The following OTUD7A variants were observed in gnomAD, a reference collection of about 807,000 sequenced individuals.
OTUD7A encodes OTU deubiquitinase 7A, also known as OTU domain-containing protein 7A.
A neutral mutation model predicts 65.7 loss-of-function variants in OTUD7A; 12 were observed. That is an observed-to-expected ratio of 0.18 (90% CI 0.12 to 0.30). OTUD7A has a LOEUF of 0.30. Among genes scored for constraint, OTUD7A ranks in the 10% least tolerant of loss-of-function variants. The pLI is 1.00. For synonymous variants in OTUD7A, 641 were observed against 586.3 expected (o/e 1.09, Z -1.35); for missense variants, 1,148 against 1,304.8 (o/e 0.88, Z 1.85).
chr15:31,832,731 G>C (rs1037895622), intron 1 of OTUD7A, among the ~76,000 whole-genome samples: 2 of 152,172 alleles, frequency 1.3e-5, no homozygotes, highest in African/African-American at 4.8e-5. Flanking sequence ...ATTTCACTTA[G>C]CATAATGTCC....
intron 3 of OTUD7A, among the ~76,000 whole-genome samples, chr15:31,648,451 C>T (rs755182414): frequency 2.0e-5 from 3 of 152,160 alleles, no homozygotes. Flanking sequence ...GGCATGCAGA[C>T]CTCAGACAGG....
intron 1 of OTUD7A, among the ~76,000 whole-genome samples, chr15:31,770,860 C>A (rs184969444): frequency 9.3e-4 from 142 of 152,262 alleles, no homozygotes; most frequent in Non-Finnish European, 1.5e-3. Context: ...ACCATCTATT[C>A]ATGATAAAAA....
chr15:31,527,150 C>G, intron 7 of OTUD7A, 31 bp downstream of exon 7: 1 of 1,613,340 alleles, frequency 6.2e-7, no homozygotes, highest in Non-Finnish European at 8.5e-7. Context: ...GGCCTGGGTC[C>G]CGGGCTCTGG....
intron 1 of OTUD7A, among the ~76,000 whole-genome samples, chr15:31,733,597 G>T (rs889044503): frequency 2.6e-5 from 4 of 152,146 alleles, no homozygotes; most frequent in Non-Finnish European, 2.9e-5. Flanking sequence ...GCTCTATCAG[G>T]GAACAGAGAT....
intron 4 of OTUD7A, among the ~76,000 whole-genome samples, chr15:31,563,940 A>T (rs1464654463): frequency 6.6e-6 from 1 of 152,192 alleles, no homozygotes; most frequent in African/African-American, 2.4e-5. Flanking sequence ...GATGGATGAT[A>T]ACTGCGTGCC....
intron 3 of OTUD7A, among the ~76,000 whole-genome samples, chr15:31,637,904 T>G (rs1380819303): frequency 6.6e-6 from 1 of 152,224 alleles, no homozygotes; most frequent in East Asian, 1.9e-4. Flanking sequence ...GGAAAGTGGT[T>G]TCTTGAGATG....
intron 3 of OTUD7A, among the ~76,000 whole-genome samples, chr15:31,608,094 A>C (rs1490656197): frequency 1.3e-5 from 2 of 152,118 alleles, no homozygotes; most frequent in African/African-American, 4.8e-5. Context: ...TAAAAATACA[A>C]AAATTAGCTG....
At chr15:31,820,800 T>G (rs1286397671) in intron 1 of OTUD7A, among the ~76,000 whole-genome samples, 1 of 152,228 alleles carries the variant, frequency 6.6e-6, no homozygotes, top group African/African-American at 2.4e-5. Context: ...TTTATTAAGA[T>G]ATAATTCACT....
intron 8 of OTUD7A, 45 bp downstream of exon 8, chr15:31,526,304 C>G: frequency 2.6e-6 from 4 of 1,519,892 alleles, no homozygotes; most frequent in Middle Eastern, 1.7e-4. Context: ...CCTGGGTGGC[C>G]TGGAGCTGGA....
chr15:31,580,820 T>C (rs1868438817), intron 3 of OTUD7A, among the ~76,000 whole-genome samples: 1 of 152,112 alleles, frequency 6.6e-6, no homozygotes, highest in Non-Finnish European at 1.5e-5. Context: ...ATTATTACAA[T>C]TCAAGGTGAG....
chr15:31,814,356 A>C (rs544810887), intron 1 of OTUD7A, among the ~76,000 whole-genome samples: 1 of 152,330 alleles, frequency 6.6e-6, no homozygotes, highest in South Asian at 2.1e-4. Context: ...GAGTCAGCCC[A>C]GCCGAGTGCC....
At chr15:31,517,602 C>G (rs2041876579) in intron 8 of OTUD7A, among the ~76,000 whole-genome samples, 1 of 152,230 alleles carries the variant, frequency 6.6e-6, no homozygotes. Flanking sequence ...AACTTCCTAA[C>G]ATGCTTTGGG....
At chr15:31,578,637 T>C (rs1024302474) in intron 3 of OTUD7A, among the ~76,000 whole-genome samples, 3 of 152,012 alleles carry the variant, frequency 2.0e-5, no homozygotes, top group African/African-American at 4.8e-5. Flanking sequence ...CTGCAATCTC[T>C]GCCTCCCAGG....
chr15:31,508,128 G>A (rs1357966958), intron 8 of OTUD7A, among the ~76,000 whole-genome samples: 1 of 152,026 alleles, frequency 6.6e-6, no homozygotes, highest in Non-Finnish European at 1.5e-5. Flanking sequence ...AACAGAATAA[G>A]GAAAGGAAAG....
chr15:31,625,351 T>A (rs926327554), intron 3 of OTUD7A, among the ~76,000 whole-genome samples: 1 of 151,786 alleles, frequency 6.6e-6, no homozygotes, highest in African/African-American at 2.4e-5. Context: ...ATGATTTTTG[T>A]ATGCGGCAAT....
intron 1 of OTUD7A, among the ~76,000 whole-genome samples, chr15:31,765,378 C>T (rs902842259): frequency 6.6e-6 from 1 of 152,098 alleles, no homozygotes; most frequent in African/African-American, 2.4e-5. Flanking sequence ...ACAACTAATT[C>T]ATTAGCTAAT....
Position 31,482,097 on chromosome 15 carries a change from G to A in OTUD7A, c.*1197C>T, listed in dbSNP as rs937639089. On this transcript the variant is annotated 3_prime_UTR_variant, in exon 13 of 13. Coordinates refer to ENST00000307050, the MANE Select transcript of OTUD7A (RefSeq NM_001382637.1). ...GCTGCATATTGCTGCTCAAAACAGG[G>A]TAGCTAAGGACACATTTTTTTTTTC... is the stretch of plus-strand genomic sequence containing the variant. 4 of 152,214 alleles carry A rather than the reference G, an allele frequency of 2.6e-5. No individual in the cohort carries two copies. The highest frequency in any genetic ancestry group is 6.5e-5 in the Admixed American group (1 of 15,286). The allele number at this position is 152,214 out of a possible 1,614,324, so 9.4% of individuals were successfully genotyped here.
At chr15:31,557,594 CT>C (rs1302119551) in intron 5 of OTUD7A, 10 of 152,430 alleles carry the variant, frequency 6.6e-5, no homozygotes, top group African/African-American at 1.9e-4. Flanking sequence ...ACTCTCATCC[CT>C]TGTCTTTTTG....
intron 1 of OTUD7A, among the ~76,000 whole-genome samples, chr15:31,761,862 G>A (rs919216122): frequency 2.0e-5 from 3 of 152,078 alleles, no homozygotes; most frequent in African/African-American, 7.2e-5. Flanking sequence ...ACTACAACAT[G>A]GATGAACCTT....
Sources: allele counts gnomAD v4.1 joint callset (sites outside exome capture counted in the v4.1 genomes callset), GRCh38; gene constraint gnomAD v4.1.1; transcripts MANE v1.5; gene names NCBI Gene and HGNC (gene_info 2026-07-23, HGNC 2026-07-21).